The following FAM72A variants were observed in gnomAD, a reference collection of about 807,000 sequenced individuals.
The protein encoded by FAM72A is protein FAM72A.
Under a neutral mutation model 11.3 loss-of-function variants are expected in FAM72A, and 1 was observed. The observed-to-expected ratio is 0.09, with a 90% CI of 0.03 to 0.42. The LOEUF is 0.42. FAM72A is among the 10% of genes least tolerant of loss of function. The pLI, the probability that FAM72A is intolerant of heterozygous loss-of-function variation, is 0.98. For missense variants in FAM72A, 15 were observed against 135.5 expected, an observed-to-expected ratio of 0.11 and a Z score of 4.41; for synonymous variants, 5 against 46.9, an observed-to-expected ratio of 0.11 and a Z score of 3.65.
chr1:206,197,023 TTA>T (rs1278654350), intron 2 of FAM72A, among the ~76,000 whole-genome samples: 1 of 148,642 alleles, frequency 6.7e-6, no homozygotes, highest in African/African-American at 2.5e-5. Flanking sequence ...TGTCTTCTAA[TTA>T]TAACTTGCTT....
chr1:206,197,284 G>T (rs1665117309), intron 2 of FAM72A, among the ~76,000 whole-genome samples: 1 of 152,098 alleles, frequency 6.6e-6, no homozygotes, highest in African/African-American at 2.4e-5. Context: ...GTCTAGCGAG[G>T]CTACATCAGA....
upstream of FAM72A, chr1:206,203,677 C>T (rs1665540263): frequency 3.9e-6 from 3 of 772,216 alleles, no homozygotes; most frequent in Non-Finnish European, 6.2e-6. Context: ...TCTTCCTTTT[C>T]TTCCTCCCGG....
Position 206,187,038 on chromosome 1 carries a change from A to C in FAM72A, c.*241T>G, listed in dbSNP as rs2102370324. On this transcript the variant is annotated 3_prime_UTR_variant, in exon 4 of 4. Coordinates refer to ENST00000367128, the MANE Select transcript of FAM72A (RefSeq NM_001123168.3). ...GAATCTTCCCCTGTCTGAATTTAAG[A>C]ATACACCTACACTGGGCAGAAAAAG... The C allele has an allele frequency of 2.1e-6, 1 of 466,790 alleles. No individual in the cohort carries two copies. The highest frequency in any genetic ancestry group is 3.6e-6 in the Non-Finnish European group (1 of 274,680). The allele number at this position is 466,790 out of a possible 1,614,324, so 28.9% of individuals were successfully genotyped here.
At chr1:206,196,926 T>G (rs1283742950) in intron 2 of FAM72A, among the ~76,000 whole-genome samples, 2 of 144,124 alleles carry the variant, frequency 1.4e-5, no homozygotes, top group African/African-American at 2.7e-5. Context: ...TATTCAAGCT[T>G]AGTCTTACTC....
Position 206,193,670 on chromosome 1 carries a change from C to G in FAM72A, c.355+2082G>C, listed in dbSNP as rs1291403984. On this transcript the variant is annotated intron_variant, in intron 3 of 3. Transcript: ENST00000367128. ...TTGAATCCAATGCTCATTTACCGTT[C>G]CGAAATTTCTAGGGTTCTTAGGAAT... 3.9e-5 allele frequency among the ~76,000 whole-genome samples: 6 copies of G among 152,172 alleles called. No homozygotes were observed. In the East Asian group the frequency reaches 1.2e-3, roughly 29 times the overall value.
At chr1:206,200,324 T>C (rs560899565) in intron 1 of FAM72A, among the ~76,000 whole-genome samples, 1 of 150,588 alleles carries the variant, frequency 6.6e-6, no homozygotes, top group Admixed American at 6.6e-5. Flanking sequence ...AAAGCTAACA[T>C]AGAACTATAG....
intron 3 of FAM72A, among the ~76,000 whole-genome samples, chr1:206,191,721 A>ATTTT (rs1268885347): frequency 2.3e-4 from 23 of 98,794 alleles, no homozygotes; most frequent in African/African-American, 7.8e-4. Flanking sequence ...TTACTAAAAT[A>ATTTT]TTATTTTTTT....
intron 3 of FAM72A, 102 bp from the exon 4 acceptor site, chr1:206,187,475 G>A (rs1553297036): frequency 2.8e-6 from 3 of 1,061,308 alleles, no homozygotes; most frequent in East Asian, 5.0e-5. Flanking sequence ...GTAAACCATA[G>A]TGTTAGCAGT....
rs577595710 is a variant in FAM72A, at chr1:206,187,073, A to G, written c.*206T>C. ...CACTGGGCAGAAAAAGGTCGGGGAG[A>G]GGAAGTAGAAGTAGAGGAAAAGCAC... On this transcript the variant is annotated 3_prime_UTR_variant, in exon 4 of 4. Coordinates refer to ENST00000367128, the MANE Select transcript of FAM72A (RefSeq NM_001123168.3). 5.6e-6 allele frequency: 4 copies of G among 719,594 alleles called. No homozygotes were observed. The South Asian group carries it at 7.5e-5, about 13-fold the overall frequency. The allele number at this position is 719,594 out of a possible 1,614,324, so 44.6% of individuals were successfully genotyped here.
intron 3 of FAM72A, among the ~76,000 whole-genome samples, chr1:206,190,601 T>G (rs1664731879): frequency 7.9e-6 from 1 of 125,914 alleles, no homozygotes; most frequent in Admixed American, 7.5e-5. Context: ...GCTGGCGAGG[T>G]GTCTCAGGCC....
intron 3 of FAM72A, among the ~76,000 whole-genome samples, chr1:206,194,886 G>A (rs1553298149): frequency 1.2e-5 from 1 of 81,206 alleles, no homozygotes; most frequent in African/African-American, 5.0e-5. Flanking sequence ...GATAATTTTT[G>A]TATTTTTTTT....
At chr1:206,193,175 A>G (rs1426874027) in intron 3 of FAM72A, among the ~76,000 whole-genome samples, 2 of 149,890 alleles carry the variant, frequency 1.3e-5, no homozygotes, top group African/African-American at 4.9e-5. Flanking sequence ...GGCCTCCCAA[A>G]CTGCTGGGAT....
chr1:206,199,229 C>A lies in FAM72A; in HGVS notation c.230+578G>T, dbSNP rs199565570. On this transcript the variant is annotated intron_variant, in intron 2 of 3. Transcript: ENST00000367128. Reference sequence around the variant, plus strand: ...GCAACATAGCAAGACCCTATTGCTACAAAAATAAAAAACTTAGCCAGGTCT... The same window carrying A: ...GCAACATAGCAAGACCCTATTGCTAAAAAAATAAAAAACTTAGCCAGGTCT... 2.6e-3 allele frequency among the ~76,000 whole-genome samples: 388 copies of A among 149,242 alleles called. 7 individuals carry two copies. Among genetic ancestry groups the A allele is most frequent in the East Asian group, 0.026 (128 of 4,992 alleles).
upstream of FAM72A, chr1:206,204,777 G>A (rs1471848784): frequency 8.6e-6 from 1 of 116,404 alleles, no homozygotes; most frequent in East Asian, 2.4e-4. Flanking sequence ...GGAGGCGACG[G>A]CTGCCTTCCG....
chr1:206,186,985 T>C lies in FAM72A; in HGVS notation c.*294A>G, dbSNP rs1553296919. 5 of 280,694 alleles carry C rather than the reference T, an allele frequency of 1.8e-5. No homozygotes were observed. Among genetic ancestry groups the C allele is most frequent in the Non-Finnish European group, 2.7e-5 (4 of 148,788 alleles). 17.4% of individuals were successfully genotyped at this position (280,694 alleles called of 1,614,324 possible). On this transcript the variant is annotated 3_prime_UTR_variant, in exon 4 of 4. Coordinates refer to ENST00000367128, the MANE Select transcript of FAM72A (RefSeq NM_001123168.3). ...AAGTTGTAAGAAAAACTCCCCCAGATTGGGAGGTAACTGAGTGATATGTGA... is the reference window on the plus strand; with the variant it reads ...AAGTTGTAAGAAAAACTCCCCCAGACTGGGAGGTAACTGAGTGATATGTGA...
chr1:206,191,722 TTA>T (rs1386360143), intron 3 of FAM72A, among the ~76,000 whole-genome samples: 1,736 of 105,682 alleles, frequency 0.016, 75 homozygotes, highest in African/African-American at 0.04. Context: ...TACTAAAATA[TTA>T]TTTTTTTTTT....
At chr1:206,203,816 C>T, upstream of FAM72A, 2 of 1,529,568 alleles carry the variant, frequency 1.3e-6, no homozygotes, top group African/African-American at 2.7e-5. Flanking sequence ...TCCACCCTCT[C>T]CAAATCTCCC....
chr1:206,189,521 G>A (rs1233943838), intron 3 of FAM72A, among the ~76,000 whole-genome samples: 2 of 135,960 alleles, frequency 1.5e-5, no homozygotes, highest in Non-Finnish European at 1.5e-5. Context: ...TGGAAGAGCT[G>A]ACAGGAAGAA....
At chr1:206,203,306 C>A, upstream of FAM72A, 1 of 399,524 alleles carries the variant, frequency 2.5e-6, no homozygotes. Context: ...TCCCGCCCAT[C>A]AGTTCTACTT....
Sources: allele counts gnomAD v4.1 joint callset (sites outside exome capture counted in the v4.1 genomes callset), GRCh38; gene constraint gnomAD v4.1.1; transcripts MANE v1.5; gene names NCBI Gene and HGNC (gene_info 2026-07-23, HGNC 2026-07-21).